Variants in ABTB2 observed in about 807,000 individuals in gnomAD.
ABTB2 encodes the protein ankyrin repeat and BTB/POZ domain-containing protein 2.
A neutral mutation model predicts 104.1 loss-of-function variants in ABTB2; 56 were observed. The observed-to-expected ratio is 0.54, with a 90% CI of 0.43 to 0.67. The LOEUF (loss-of-function observed/expected upper bound fraction) is 0.67. Ranked by LOEUF, ABTB2 falls within the 30% of genes least tolerant of loss-of-function variation. The pLI is 0.00. For missense variants in ABTB2, 1,279 were observed against 1,407.7 expected, an observed-to-expected ratio of 0.91 and a Z score of 1.46; for synonymous variants, 606 against 608.2, an observed-to-expected ratio of 1.00 and a Z score of 0.05.
chr11:34,316,575 T>C (rs561834954), intron 1 of ABTB2, among the ~76,000 whole-genome samples: 1 of 152,280 alleles, frequency 6.6e-6, no homozygotes, highest in African/African-American at 2.4e-5. Flanking sequence ...GTCGCAAATA[T>C]TTCATCATCA....
At chr11:34,246,329 T>C (rs1486765644) in intron 1 of ABTB2, among the ~76,000 whole-genome samples, 1 of 151,944 alleles carries the variant, frequency 6.6e-6, no homozygotes, top group Non-Finnish European at 1.5e-5. Context: ...GGGCTGGGTG[T>C]GGTGGCTCAC....
chr11:34,159,321 C>T lies in ABTB2; in HGVS notation c.2672G>A (p.Ser891Asn). 1 of 1,613,978 alleles carries T rather than the reference C, an allele frequency of 6.2e-7. No individual in the cohort carries two copies. The highest frequency in any genetic ancestry group is 1.1e-5 in the South Asian group (1 of 91,070). The change falls in exon 14 of 17, where the codon AGC becomes AAC. Residue 891 changes from serine to asparagine, a missense_variant. Coordinates refer to ENST00000435224, the MANE Select transcript of ABTB2 (RefSeq NM_145804.3). ...DGDSSKTIEI[S>N]DMKYHIFQMM... ...CTGAAAAATGTGGTACTTCATGTCG[C>T]TGATCTCGATGGTCTTGCTGCTGTC...
intron 1 of ABTB2, among the ~76,000 whole-genome samples, chr11:34,320,240 C>T (rs950909080): frequency 6.6e-6 from 1 of 152,092 alleles, no homozygotes; most frequent in African/African-American, 2.4e-5. Flanking sequence ...CACAGATGAC[C>T]CAAATAGAAA....
chr11:34,335,956 G>T (rs1197164611), intron 1 of ABTB2: 4 of 625,446 alleles, frequency 6.4e-6, no homozygotes, highest in Non-Finnish European at 1.2e-5. Context: ...GTAAAATCCT[G>T]GGAGATAGGA....
At chr11:34,195,076 G>C (rs1398786969) in intron 3 of ABTB2, among the ~76,000 whole-genome samples, 9 of 37,456 alleles carry the variant, frequency 2.4e-4, no homozygotes, top group African/African-American at 4.1e-4. Flanking sequence ...GATGCCCGGC[G>C]GGGGGGGGGA....
chr11:34,159,254 G>A (rs762500845), intron 14 of ABTB2, 42 bp downstream of exon 14: 3 of 1,515,758 alleles, frequency 2.0e-6, no homozygotes, highest in Non-Finnish European at 2.7e-6. Context: ...CCTGGGGGAG[G>A]GTCATCCCTC....
intron 1 of ABTB2, among the ~76,000 whole-genome samples, chr11:34,222,372 A>G (rs1314058335): frequency 6.6e-6 from 1 of 152,188 alleles, no homozygotes; most frequent in East Asian, 1.9e-4. Context: ...ACTTCCATTC[A>G]TGGCCTGAAC....
At chr11:34,269,019 G>A (rs183414123) in intron 1 of ABTB2, among the ~76,000 whole-genome samples, 10 of 152,314 alleles carry the variant, frequency 6.6e-5, no homozygotes, top group African/African-American at 2.4e-4. Flanking sequence ...ATGATTCAGC[G>A]CTGATGCCCC....
intron 3 of ABTB2, 84 bp downstream of exon 3, chr11:34,197,241 A>G (rs1853269436): frequency 9.6e-6 from 14 of 1,455,752 alleles, no homozygotes; most frequent in Non-Finnish European, 1.3e-5. Flanking sequence ...CCTGTTGGTC[A>G]GTCGTCAGTC....
rs117128911 is a variant in ABTB2, at chr11:34,250,845, T to C, written c.884-46155A>G. On this transcript the variant is annotated intron_variant, in intron 1 of 16. Transcript: ENST00000435224. ...ACTTTGCAAATTACCTTCTGCCTATTTAATCCTCAGAATAACTAGGGGGGT... is the reference window on the plus strand; with the variant it reads ...ACTTTGCAAATTACCTTCTGCCTATCTAATCCTCAGAATAACTAGGGGGGT... Among the ~76,000 whole-genome samples, 756 of 152,340 alleles carry C rather than the reference T, an allele frequency of 5.0e-3. 4 individuals carry two copies. The highest frequency in any genetic ancestry group is 0.024 in the South Asian group (114 of 4,828).
In ABTB2 at chr11:34,357,001, G is replaced by C; in HGVS notation, c.583C>G (p.Arg195Gly). The C allele has an allele frequency of 1.3e-6, 2 of 1,579,042 alleles. No individual in the cohort carries two copies. The highest frequency in any genetic ancestry group is 8.6e-7 in the Non-Finnish European group (1 of 1,165,038). The stretch of plus-strand genomic sequence containing the variant: ...AGGCCGCAGCGCGCGGACTTGCCCC[G>C]GCGCAGCCCGTCGCCGGCGCTCATG... ...YSMSAGDGLR[R>G]GKSARCGLTF... is the part of the protein sequence containing the mutation. The change falls in exon 1 of 17, where the codon CGG becomes GGG. Residue 195 changes from arginine to glycine, a missense_variant. Coordinates refer to ENST00000435224, the MANE Select transcript of ABTB2 (RefSeq NM_145804.3).
chr11:34,227,828 G>A (rs143414231), intron 1 of ABTB2, among the ~76,000 whole-genome samples: 4,688 of 148,978 alleles, frequency 0.031, 247 homozygotes, highest in African/African-American at 0.11. Context: ...TCTGCATCCC[G>A]GGTTCAAGCA....
At chr11:34,336,657 C>CAAAA (rs1436986845) in intron 1 of ABTB2, among the ~76,000 whole-genome samples, 1 of 151,668 alleles carries the variant, frequency 6.6e-6, no homozygotes, top group African/African-American at 2.4e-5. Context: ...AAAAACAAAA[C>CAAAA]AAACAAACAA....
chr11:34,287,641 T>C (rs1854521681), intron 1 of ABTB2, among the ~76,000 whole-genome samples: 1 of 152,204 alleles, frequency 6.6e-6, no homozygotes, highest in Admixed American at 6.5e-5. Flanking sequence ...TCTTCAGAAA[T>C]CTTCCAATTT....
chr11:34,160,655 G>A (rs1415354078), intron 11 of ABTB2, among the ~76,000 whole-genome samples: 2 of 124,370 alleles, frequency 1.6e-5, no homozygotes, highest in African/African-American at 3.0e-5. Flanking sequence ...GGGGGCGAGC[G>A]TGCACGCGCG....
Position 34,154,754 on chromosome 11 carries a change from G to C in ABTB2, c.2713C>G (p.Leu905Val). The C allele has an allele frequency of 6.2e-7, 1 of 1,614,142 alleles. No individual in the cohort carries two copies. The highest frequency in any genetic ancestry group is 1.1e-5 in the South Asian group (1 of 91,084). ...ATGGATTCTGTTCCTCCGTAGTACA[G>C]ATACTGCATCATCATCTGTGGTGGG... is the stretch of plus-strand genomic sequence containing the variant. ...YHIFQMMMQY[L>V]YYGGTESMEI... The change falls in exon 15 of 17, where the codon CTG (leucine) becomes GTG (valine). Residue 905 changes from leucine (L) to valine (V), a missense_variant. Leu to Val is a conservative substitution (Grantham distance 32). Coordinates refer to ENST00000435224, the MANE Select transcript of ABTB2 (RefSeq NM_145804.3). This position sits in a 1 kb window ranked among gnomAD's most constrained non-coding sequence, Gnocchi z 4.9.
chr11:34,317,795 T>A (rs1423003680), intron 1 of ABTB2, among the ~76,000 whole-genome samples: 3 of 151,872 alleles, frequency 2.0e-5, no homozygotes, highest in Admixed American at 6.6e-5. Context: ...AACGGCTTTT[T>A]AAAAAAATTT....
intron 1 of ABTB2, among the ~76,000 whole-genome samples, chr11:34,242,171 C>T (rs763880305): frequency 3.9e-5 from 6 of 152,156 alleles, no homozygotes; most frequent in Non-Finnish European, 8.8e-5. Context: ...AGTCAAGATT[C>T]GGTCATGCTT....
intron 1 of ABTB2, among the ~76,000 whole-genome samples, chr11:34,309,467 ACCG>A (rs1854823375): frequency 1.3e-5 from 2 of 152,238 alleles, no homozygotes; most frequent in Admixed American, 6.5e-5. Flanking sequence ...AACGGGCATT[ACCG>A]TGCTCAACAC....
Sources: gnomAD v4.1 joint callset for allele counts (sites outside exome capture counted in the v4.1 genomes callset) on GRCh38, gnomAD v4.1.1 for gene constraint, Gnocchi (gnomAD v3.1) non-coding constraint, MANE v1.5 for transcripts, NCBI Gene and HGNC (gene_info 2026-07-23, HGNC 2026-07-21) for gene names.